MITF: variants seen among roughly 807,000 people sequenced by gnomAD.
MITF encodes microphthalmia-associated transcription factor.
Under a neutral mutation model 60.5 loss-of-function variants are expected in MITF, and 17 were observed. That is an observed-to-expected ratio of 0.28 (90% CI 0.19 to 0.42). The LOEUF (loss-of-function observed/expected upper bound fraction) is 0.42, where lower values mean the gene tolerates loss of function less well. Among genes scored for constraint, MITF ranks in the 10% least tolerant of loss-of-function variants. The pLI is 1.00. For synonymous variants in MITF, 260 were observed against 248.5 expected, an observed-to-expected ratio of 1.05 and a Z score of -0.43; for missense variants, 622 against 683.5, an observed-to-expected ratio of 0.91 and a Z score of 1.00.
rs147159319 is a variant in MITF, at chr3:69,897,155, C to T, written c.354+17772C>T. Among the ~76,000 whole-genome samples the T allele has an allele frequency of 1.1e-3, 160 of 152,136 alleles. 1 individual carries two copies. Among genetic ancestry groups the T allele is most frequent in the Non-Finnish European group, 1.7e-3 (118 of 67,994 alleles). On this transcript the variant is annotated intron_variant, in intron 2 of 9. Coordinates refer to ENST00000352241, the MANE Select transcript of MITF (RefSeq NM_001354604.2). Reference sequence around the variant, plus strand: ...GTCAGGATTGGGTAGCCATCAACAGCGTGTCTTCATTTTCCTTTTAGGAAA... The same window carrying T: ...GTCAGGATTGGGTAGCCATCAACAGTGTGTCTTCATTTTCCTTTTAGGAAA...
chr3:69,847,966 A>G (rs1006319920), intron 1 of MITF, among the ~76,000 whole-genome samples: 4 of 152,214 alleles, frequency 2.6e-5, no homozygotes, highest in African/African-American at 9.6e-5. Flanking sequence ...TGGCCACATT[A>G]TTTCCCATCA....
chr3:69,849,852 C>A (rs1033855749), intron 1 of MITF, among the ~76,000 whole-genome samples: 1 of 152,202 alleles, frequency 6.6e-6, no homozygotes. Flanking sequence ...GACTTATATA[C>A]CTCTCAATCT....
At chr3:69,813,756 A>T (rs1380622592) in intron 1 of MITF, among the ~76,000 whole-genome samples, 3 of 152,220 alleles carry the variant, frequency 2.0e-5, no homozygotes, top group African/African-American at 7.2e-5. Context: ...AAAGTCAGTA[A>T]TTTTTAAAGA....
At chr3:69,898,342 G>A (rs1389436283) in intron 2 of MITF, among the ~76,000 whole-genome samples, 1 of 152,222 alleles carries the variant, frequency 6.6e-6, no homozygotes, top group Non-Finnish European at 1.5e-5. Flanking sequence ...TGGTCTTGCT[G>A]GAGGAGCAAC....
chr3:69,847,600 G>A (rs763447104), intron 1 of MITF, among the ~76,000 whole-genome samples: 3 of 152,100 alleles, frequency 2.0e-5, no homozygotes, highest in Non-Finnish European at 4.4e-5. Context: ...TACAGAAACA[G>A]AAGTATGAAA....
chr3:69,951,413 G>A (rs1445578878), intron 6 of MITF, among the ~76,000 whole-genome samples: 1 of 151,810 alleles, frequency 6.6e-6, no homozygotes, highest in Non-Finnish European at 1.5e-5. Context: ...CGTTACACAG[G>A]CATCAAAAAA....
intron 1 of MITF, among the ~76,000 whole-genome samples, chr3:69,778,576 T>A (rs1247448308): frequency 6.6e-6 from 1 of 152,184 alleles, no homozygotes; most frequent in Admixed American, 6.5e-5. Flanking sequence ...GGTTGCAAGA[T>A]GGCTGCCGCT....
intron 1 of MITF, among the ~76,000 whole-genome samples, chr3:69,864,044 G>T (rs1380548695): frequency 6.6e-6 from 1 of 152,078 alleles, no homozygotes; most frequent in African/African-American, 2.4e-5. Flanking sequence ...GATTATAATT[G>T]TAAGAGCTTT....
chr3:69,873,483 A>G (rs111975727), intron 1 of MITF, among the ~76,000 whole-genome samples: 1 of 152,266 alleles, frequency 6.6e-6, no homozygotes, highest in African/African-American at 2.4e-5. Flanking sequence ...TGTAGATTCA[A>G]CCTATCAGTT....
chr3:69,919,296 G>T (rs1020757722), intron 2 of MITF, among the ~76,000 whole-genome samples: 4 of 152,162 alleles, frequency 2.6e-5, no homozygotes, highest in African/African-American at 9.7e-5. Context: ...TTTGTCATGG[G>T]TATCATTTGA....
At chr3:69,898,484 G>A (rs577440214) in intron 2 of MITF, among the ~76,000 whole-genome samples, 1 of 152,354 alleles carries the variant, frequency 6.6e-6, no homozygotes, top group African/African-American at 2.4e-5. Flanking sequence ...CAGTAATAGA[G>A]TAAGTATTGT....
intron 3 of MITF, chr3:69,938,793 A>G (rs2065903457): frequency 2.2e-6 from 3 of 1,374,684 alleles, no homozygotes; most frequent in South Asian, 3.1e-5. Context: ...ACTATGGACT[A>G]TGAAGTGTTT....
At chr3:69,878,984 A>G in intron 1 of MITF, 150 bp from the exon 2 acceptor site, 1 of 685,486 alleles carries the variant, frequency 1.5e-6, no homozygotes. Flanking sequence ...TCACCTCTTG[A>G]TTTTCAATTA....
chr3:69,778,686 C>G (rs2062515125), intron 1 of MITF: 1 of 152,120 alleles, frequency 6.6e-6, no homozygotes, highest in Non-Finnish European at 1.5e-5. Context: ...ATGAAGTGTG[C>G]TTAAAGTTTG....
chr3:69,837,916 AG>A (rs1421021770), intron 1 of MITF, among the ~76,000 whole-genome samples: 2 of 152,194 alleles, frequency 1.3e-5, no homozygotes, highest in African/African-American at 2.4e-5. Flanking sequence ...GGTTTTTTGA[AG>A]TGTGTATGCA....
chr3:69,933,888 C>G (rs1384020366), intron 2 of MITF, among the ~76,000 whole-genome samples: 2 of 152,156 alleles, frequency 1.3e-5, no homozygotes, highest in Non-Finnish European at 2.9e-5. Flanking sequence ...AAGTTATTGA[C>G]TAAAAAGCTA....
intron 7 of MITF, among the ~76,000 whole-genome samples, chr3:69,953,725 A>G (rs2066326448): frequency 6.6e-6 from 1 of 151,404 alleles, no homozygotes; most frequent in Non-Finnish European, 1.5e-5. Flanking sequence ...AGAAAGAGAG[A>G]GAGAGCGCCC....
chr3:69,936,709 C>T lies in MITF; in HGVS notation c.355-1113C>T, dbSNP rs199515469. 7.5e-4 allele frequency: 1,202 copies of T among 1,613,378 alleles called. 1 individual carries two copies. The highest frequency in any genetic ancestry group is 9.3e-4 in the Non-Finnish European group (1,100 of 1,179,698). On this transcript the variant is annotated intron_variant, in intron 2 of 9. Coordinates refer to ENST00000352241, the MANE Select transcript of MITF (RefSeq NM_001354604.2). The stretch of plus-strand genomic sequence containing the variant: ...ACCGTCTCTCACTGGATTGGTGCCA[C>T]CTAAAACATTGTTATGCTGGAAATG...
chr3:69,807,467 C>G (rs552511216), intron 1 of MITF, among the ~76,000 whole-genome samples: 1 of 152,292 alleles, frequency 6.6e-6, no homozygotes, highest in African/African-American at 2.4e-5. Context: ...TTTACATTTC[C>G]CTTCTCAAAG....
Sources: allele counts gnomAD v4.1 joint callset (sites outside exome capture counted in the v4.1 genomes callset), GRCh38; gene constraint gnomAD v4.1.1; transcripts MANE v1.5; gene names NCBI Gene and HGNC (gene_info 2026-07-23, HGNC 2026-07-21).